The following MARF1 variants were observed in gnomAD, a reference collection of about 807,000 sequenced individuals.
The protein encoded by MARF1 is limkain-b1.
In MARF1, 24 loss-of-function variants were observed where a neutral mutation model predicts 168.2. The ratio of observed to expected loss-of-function variants is 0.14; its 90% CI spans 0.10 to 0.20. The LOEUF is 0.20. Ranked by LOEUF, MARF1 falls within the 10% of genes least tolerant of loss-of-function variation. The probability of loss-of-function intolerance (pLI) is 1.00; values close to 1 mark genes in which losing one functional copy is unlikely to be tolerated. For synonymous variants in MARF1, 868 were observed against 822.4 expected (o/e 1.06, Z -0.95); for missense variants, 1,744 against 2,143.6 (o/e 0.81, Z 3.68).
At position 15,595,286 on chromosome 16, in the gene MARF1, C is replaced by T. The variant is rs1237804983; in HGVS notation, c.*1407G>A. ...CTGACTTGTAAAAATCTCTCTATAGCCCTTATTTTGTGGCATTTTATCAAA... is the reference window on the plus strand; with the variant it reads ...CTGACTTGTAAAAATCTCTCTATAGTCCTTATTTTGTGGCATTTTATCAAA... On this transcript the variant is annotated 3_prime_UTR_variant, in exon 27 of 27. Transcript: ENST00000396368. The T allele has an allele frequency of 1.3e-5, 2 of 152,488 alleles. No individual in the cohort carries two copies. The highest frequency in any genetic ancestry group is 2.9e-5 in the Non-Finnish European group (2 of 68,010). 9.4% of individuals were successfully genotyped at this position (152,488 alleles called of 1,614,324 possible).
intron 2 of MARF1, among the ~76,000 whole-genome samples, 166 bp from the exon 3 acceptor site, chr16:15,636,508 T>C (rs2055606340): frequency 6.6e-6 from 1 of 152,204 alleles, no homozygotes; most frequent in Non-Finnish European, 1.5e-5. Context: ...AGGAACATTC[T>C]TCAGAGAGGT....
chr16:15,596,485 A>AG lies in MARF1; in HGVS notation c.*207_*208insC. On this transcript the variant is annotated 3_prime_UTR_variant, in exon 27 of 27. Coordinates refer to ENST00000396368, the MANE Select transcript of MARF1 (RefSeq NM_014647.4). ...GCCACAAGTTCTTCAAATAATTGAA[A>AG]AAAGAAAGAAAAAGGAAGAAGAAAA... 2.4e-6 allele frequency: 1 copy of AG among 421,622 alleles called. No homozygotes were observed. The highest frequency in any genetic ancestry group is 4.1e-6 in the Non-Finnish European group (1 of 245,536). 26.1% of individuals were successfully genotyped at this position (421,622 alleles called of 1,614,324 possible).
At chr16:15,629,036 C>CTT (rs35295986) in intron 7 of MARF1, among the ~76,000 whole-genome samples, 7 of 138,610 alleles carry the variant, frequency 5.1e-5, no homozygotes, top group Non-Finnish European at 9.5e-5. Context: ...ACTACATTTA[C>CTT]TTTTTTTTTT....
chr16:15,640,133 C>T (rs1294425149), intron 1 of MARF1, among the ~76,000 whole-genome samples: 1 of 152,212 alleles, frequency 6.6e-6, no homozygotes, highest in Non-Finnish European at 1.5e-5. Context: ...AAAAGAGCCA[C>T]CACCACATCC....
Position 15,604,204 on chromosome 16 carries a change from C to T in MARF1, c.4377G>A (p.Leu1459=). The change falls in exon 22 of 27, where the codon TTG becomes TTA. Residue 1459 remains leucine, a synonymous_variant. Coordinates refer to ENST00000396368, the MANE Select transcript of MARF1 (RefSeq NM_014647.4). ...LNPCEYGFMT[L]TELLKSLPYL... is the part of the protein sequence containing the mutation. ...ATGGCAGGCTCTTCAGCAGTTCGGT[C>T]AAGGTCATGAATCCATATTCACAGG... The T allele has an allele frequency of 1.9e-6, 3 of 1,614,168 alleles. No homozygotes were observed. The highest frequency in any genetic ancestry group is 2.5e-6 in the Non-Finnish European group (3 of 1,180,010).
chr16:15,613,213 C>T (rs1034647904), intron 16 of MARF1, among the ~76,000 whole-genome samples: 4 of 152,096 alleles, frequency 2.6e-5, no homozygotes, highest in Admixed American at 1.3e-4. Flanking sequence ...GAGCTGAAAA[C>T]GTTACCCAGA....
chr16:15,616,539 T>C (rs1396584360), intron 15 of MARF1, among the ~76,000 whole-genome samples: 1 of 152,188 alleles, frequency 6.6e-6, no homozygotes, highest in Non-Finnish European at 1.5e-5. Context: ...CAAACACACA[T>C]TTTCTTGTTG....
rs2031713206 is a variant in MARF1 at position 15,596,634 on chromosome 16, C to T, written c.*59G>A. 4.8e-6 allele frequency: 7 copies of T among 1,472,130 alleles called. No homozygotes were observed. Among genetic ancestry groups the T allele is most frequent in the South Asian group, 4.5e-5 (3 of 66,622 alleles). The allele number at this position is 1,472,130 out of a possible 1,614,324, so 91.2% of individuals were successfully genotyped here. ...GAAAAGGATGTATTTTTGAAACCCACTTTTGTGTGCAGAATCAGACAGTGT... is the reference window on the plus strand; with the variant it reads ...GAAAAGGATGTATTTTTGAAACCCATTTTTGTGTGCAGAATCAGACAGTGT... On this transcript the variant is annotated 3_prime_UTR_variant, in exon 27 of 27. Transcript: ENST00000396368.
At chr16:15,611,459 A>AC (rs951234171) in intron 18 of MARF1, 133 bp downstream of exon 18, 97 of 840,766 alleles carry the variant, frequency 1.2e-4, no homozygotes, top group African/African-American at 5.9e-4. Context: ...AAAAAAAAAA[A>AC]AAAAAACAAA....
In MARF1 at chr16:15,600,648, G is replaced by T; in HGVS notation, c.4680C>A (p.Asp1560Glu). Residue 1560 changes from aspartate (D) to glutamate (E), a missense_variant, in exon 24 of 27, where the codon GAC becomes GAA. Around this residue, in one of 7 missense-constraint regions of MARF1, gnomAD observed 313 missense variants for 337.4 expected, o/e 0.93. Coordinates refer to ENST00000396368, the MANE Select transcript of MARF1 (RefSeq NM_014647.4). Reference sequence around the variant, plus strand: ...GGATGGGTGCTTACTTACTTTTCATGTCATTTTTTAACACTACAATTCTCT... The same window carrying T: ...GGATGGGTGCTTACTTACTTTTCATTTCATTTTTTAACACTACAATTCTCT... ...GHKRIVVLKN[D>E]MKSRLSSLSL... is the part of the protein sequence containing the mutation. The T allele has an allele frequency of 6.2e-7, 1 of 1,613,894 alleles. No individual in the cohort carries two copies. Among genetic ancestry groups the T allele is most frequent in the South Asian group, 1.1e-5 (1 of 91,080 alleles).
At chr16:15,610,889 G>A in intron 19 of MARF1, 86 bp downstream of exon 19, 1 of 1,324,256 alleles carries the variant, frequency 7.6e-7, no homozygotes. Context: ...CACGGACAGG[G>A]AGGGAAAACC....
At position 15,596,180 on chromosome 16, in the gene MARF1, C is replaced by G. The variant is rs1159977407; in HGVS notation, c.*513G>C. ...TGAAAATACACTCCGAACCCCTCGC[C>G]TACCCTTCTCCTTTGGTGTGTGAAC... is the stretch of plus-strand genomic sequence containing the variant. On this transcript the variant is annotated 3_prime_UTR_variant, in exon 27 of 27. Transcript: ENST00000396368. 1 of 152,758 alleles carries G rather than the reference C, an allele frequency of 6.5e-6. No individual in the cohort carries two copies. The highest frequency in any genetic ancestry group is 1.5e-5 in the Non-Finnish European group (1 of 68,106). The allele number at this position is 152,758 out of a possible 1,614,324, so 9.5% of individuals were successfully genotyped here. A position where few individuals can be genotyped will look rare whatever the true frequency, so the allele number is the denominator to read the frequency against.
At chr16:15,604,421 CTT>C (rs1359915086) in intron 21 of MARF1, 23 bp from the exon 22 acceptor site, 2 of 1,555,952 alleles carry the variant, frequency 1.3e-6, no homozygotes. Context: ...AGAATTCACA[CTT>C]TTCAGAGCTC....
intron 13 of MARF1, among the ~76,000 whole-genome samples, chr16:15,618,171 A>G (rs749491341): frequency 3.3e-5 from 5 of 152,184 alleles, no homozygotes; most frequent in Admixed American, 1.3e-4. Flanking sequence ...CACAGGGTCA[A>G]TGTGAGGATT....
At chr16:15,619,100 A>AC (rs2151170360) in intron 13 of MARF1, among the ~76,000 whole-genome samples, 1 of 152,044 alleles carries the variant, frequency 6.6e-6, no homozygotes, top group South Asian at 2.1e-4. Flanking sequence ...ACATAGCAAA[A>AC]CCCCCTCATT....
intron 19 of MARF1, 56 bp from the exon 20 acceptor site, chr16:15,609,781 C>T: frequency 7.1e-7 from 1 of 1,399,110 alleles, no homozygotes; most frequent in Non-Finnish European, 1.0e-6. Flanking sequence ...CATTTGTGTT[C>T]AACATCCACA....
intron 4 of MARF1, among the ~76,000 whole-genome samples, 199 bp downstream of exon 4, chr16:15,634,558 C>T (rs952838455): frequency 6.6e-6 from 1 of 152,104 alleles, no homozygotes; most frequent in African/African-American, 2.4e-5. Flanking sequence ...CTGTGTATAG[C>T]CTCGGCCCAA....
chr16:15,627,508 C>T (rs1047572785), intron 7 of MARF1, among the ~76,000 whole-genome samples: 1 of 152,154 alleles, frequency 6.6e-6, no homozygotes. Context: ...ATCCCAGCTA[C>T]TCGGGAGGCT....
intron 21 of MARF1, among the ~76,000 whole-genome samples, chr16:15,607,470 A>G (rs1458161915): frequency 6.6e-6 from 1 of 152,112 alleles, no homozygotes; most frequent in East Asian, 1.9e-4. Flanking sequence ...AATCTCTTGA[A>G]CCTGGGAGGC....
Sources: allele counts gnomAD v4.1 joint callset (sites outside exome capture counted in the v4.1 genomes callset), GRCh38; gene constraint gnomAD v4.1.1; regional missense constraint gnomAD v4.1.1; transcripts MANE v1.5; gene names NCBI Gene and HGNC (gene_info 2026-07-23, HGNC 2026-07-21).